Variants in PLCH2 observed in about 807,000 individuals in gnomAD.
PLCH2 encodes the protein phospholipase C eta 2.
In PLCH2, 98 loss-of-function variants were observed where a neutral mutation model predicts 134.7. The ratio of observed to expected loss-of-function variants is 0.73; its 90% CI spans 0.62 to 0.86. PLCH2 has a LOEUF of 0.86. Among genes scored for constraint, PLCH2 ranks in the 40% least tolerant of loss-of-function variants. The pLI is 0.00. For missense variants in PLCH2, 1,994 were observed against 1,986.6 expected (o/e 1.00, Z -0.07); for synonymous variants, 974 against 827.5 (o/e 1.18, Z -3.04).
chr1:2,455,642 C>T (rs913066051), intron 2 of PLCH2, among the ~76,000 whole-genome samples: 1 of 152,178 alleles, frequency 6.6e-6, no homozygotes, highest in South Asian at 2.1e-4. Context: ...TCCTGGGGGT[C>T]AGGCGGGGGC....
chr1:2,479,532 G>A, intron 2 of PLCH2: 1 of 563,650 alleles, frequency 1.8e-6, no homozygotes, highest in Non-Finnish European at 3.2e-6. Flanking sequence ...AAGGGGGAGG[G>A]ACACGGGTCA....
chr1:2,453,060 C>T (rs942798079), intron 2 of PLCH2, among the ~76,000 whole-genome samples: 3 of 151,894 alleles, frequency 2.0e-5, no homozygotes, highest in East Asian at 1.9e-4. Flanking sequence ...CTGGTCGGGG[C>T]GCCCCCTCAG....
At chr1:2,418,277 G>A in the PLCH2 span, among the ~76,000 whole-genome samples, 3 of 152,370 alleles carry the variant, frequency 2.0e-5, no homozygotes, top group East Asian at 3.9e-4. Flanking sequence ...CAGTGACAGC[G>A]TCCAGCATTC....
At chr1:2,471,804 G>A (rs1298626497), upstream of PLCH2, among the ~76,000 whole-genome samples, 1 of 152,176 alleles carries the variant, frequency 6.6e-6, no homozygotes, top group Non-Finnish European at 1.5e-5. Flanking sequence ...GCCACCCAAG[G>A]GGGCAGAACA....
chr1:2,478,944 A>T, intron 2 of PLCH2: 1 of 344,186 alleles, frequency 2.9e-6, no homozygotes, highest in African/African-American at 2.0e-5. Context: ...CCCCATAAAC[A>T]GAAACGACCC....
intron 2 of PLCH2, among the ~76,000 whole-genome samples, chr1:2,445,782 G>A (rs938334711): frequency 2.0e-5 from 3 of 152,186 alleles, no homozygotes; most frequent in African/African-American, 4.8e-5. Flanking sequence ...CGGCACACAC[G>A]GATTGCCGTA....
upstream of PLCH2, among the ~76,000 whole-genome samples, chr1:2,425,815 G>A (rs754402525): frequency 4.6e-5 from 7 of 151,914 alleles, no homozygotes; most frequent in Non-Finnish European, 7.4e-5. Context: ...GAGGCACTGC[G>A]CTGGGCTCAT....
chr1:2,504,747 C>T lies in PLCH2; in HGVS notation c.3785C>T (p.Ala1262Val). 6.2e-7 allele frequency: 1 copy of T among 1,612,536 alleles called. No homozygotes were observed. Among genetic ancestry groups the T allele is most frequent in the Non-Finnish European group, 8.5e-7 (1 of 1,179,806 alleles). Residue 1262 changes from alanine (A) to valine (V), a missense_variant, in exon 22 of 22, where the codon GCT becomes GTT. Coordinates refer to ENST00000378486, the MANE Select transcript of PLCH2 (RefSeq NM_014638.4). ...TCCAAGAGCCTGGGCGACCTCACTG[C>T]TGATGACTTTGCCCCTAGCTTTGAG... ...AKSKSLGDLT[A>V]DDFAPSFEGG...
chr1:2,425,258 C>T (rs1638733758), upstream of PLCH2, among the ~76,000 whole-genome samples: 1 of 147,788 alleles, frequency 6.8e-6, no homozygotes, highest in Admixed American at 6.6e-5. Flanking sequence ...CACACACATA[C>T]ATACACACAT....
chr1:2,484,397 A>C, intron 4 of PLCH2, 51 bp from the exon 5 acceptor site: 2 of 1,591,734 alleles, frequency 1.3e-6, no homozygotes, highest in East Asian at 2.2e-5. Context: ...ACCCCTGTGC[A>C]TGCAGGCCCT....
chr1:2,504,954 G>A lies in PLCH2; in HGVS notation c.3992G>A (p.Gly1331Asp), dbSNP rs1557427357. 6.4e-7 allele frequency: 1 copy of A among 1,560,512 alleles called. No homozygotes were observed. The highest frequency in any genetic ancestry group is 8.7e-7 in the Non-Finnish European group (1 of 1,154,154). Residue 1331 changes from glycine (G) to aspartate (D), a missense_variant, in exon 22 of 22, where the codon GGC becomes GAC. This residue lies in a region of PLCH2 where 900 missense variants were observed against 752.3 expected (regional missense o/e 1.20). Coordinates refer to ENST00000378486, the MANE Select transcript of PLCH2 (RefSeq NM_014638.4). ...CCGGCTGGGGAGGGGGTGGCAGGGGGCCCTGGTTTTGTGCGGCGCTCCTCC... is the reference window on the plus strand; with the variant it reads ...CCGGCTGGGGAGGGGGTGGCAGGGGACCCTGGTTTTGTGCGGCGCTCCTCC... ...LGPAGEGVAG[G>D]PGFVRRSSSR...
In PLCH2 at chr1:2,505,373, G is replaced by A. The variant is rs1348591388; in HGVS notation, c.*160G>A. ...TCCCTCCTGCCCCTGCTCCCGGGGA[G>A]GAAAGGCTAAAGCTGCTGGCCCGGG... is the stretch of plus-strand genomic sequence containing the variant. On this transcript the variant is annotated 3_prime_UTR_variant, in exon 22 of 22. Coordinates refer to ENST00000378486, the MANE Select transcript of PLCH2 (RefSeq NM_014638.4). The A allele has an allele frequency of 1.3e-5, 8 of 615,120 alleles. No individual in the cohort carries two copies. Among genetic ancestry groups the A allele is most frequent in the Non-Finnish European group, 1.9e-5 (7 of 360,094 alleles). The allele number at this position is 615,120 out of a possible 1,614,324, so 38.1% of individuals were successfully genotyped here.
chr1:2,475,269 G>A (rs1459103468), upstream of PLCH2, among the ~76,000 whole-genome samples: 1 of 152,240 alleles, frequency 6.6e-6, no homozygotes. Context: ...TCCTCCCCTG[G>A]TATGGGGGGA....
Position 2,505,440 on chromosome 1 carries a change from T to G in PLCH2, c.*227T>G. On this transcript the variant is annotated 3_prime_UTR_variant, in exon 22 of 22. Transcript: ENST00000378486. ...TCGAGGCTGGCCCTGCCAGGCAGTT[T>G]TCCCGGCGTTTTAGGATCTGTACAT... 1.8e-6 allele frequency: 1 copy of G among 569,168 alleles called. No individual in the cohort carries two copies. Among genetic ancestry groups the G allele is most frequent in the Non-Finnish European group, 3.1e-6 (1 of 323,622 alleles). 35.3% of individuals were successfully genotyped at this position (569,168 alleles called of 1,614,324 possible). A position where few individuals can be genotyped will look rare whatever the true frequency, so the allele number is the denominator to read the frequency against.
At chr1:2,434,360 G>A (rs1639224277) in intron 2 of PLCH2, among the ~76,000 whole-genome samples, 1 of 152,210 alleles carries the variant, frequency 6.6e-6, no homozygotes, top group Non-Finnish European at 1.5e-5. Context: ...AGCTCCTTGT[G>A]CCGTGGGGCC....
intron 2 of PLCH2, among the ~76,000 whole-genome samples, chr1:2,443,489 G>T (rs1054984711): frequency 6.6e-6 from 1 of 152,100 alleles, no homozygotes; most frequent in Non-Finnish European, 1.5e-5. Flanking sequence ...CTGGGGCCAC[G>T]GGGAGCCGGA....
chr1:2,488,363 G>A (rs1642390136), intron 8 of PLCH2, among the ~76,000 whole-genome samples: 1 of 152,304 alleles, frequency 6.6e-6, no homozygotes, highest in East Asian at 1.9e-4. Flanking sequence ...GGAGGAGCCA[G>A]GGGCCTGCTG....
chr1:2,494,964 C>A lies in PLCH2; in HGVS notation c.1752+16C>A. The stretch of plus-strand genomic sequence containing the variant: ...CAGGCGCAAGGTCCGGCGCAGCTCC[C>A]AGGCCAGGGTCCCGGTCTGGGCCCA... On this transcript the variant is annotated intron_variant, in intron 12 of 21. Coordinates refer to ENST00000378486, the MANE Select transcript of PLCH2 (RefSeq NM_014638.4). 6.4e-7 allele frequency: 1 copy of A among 1,557,662 alleles called. No individual in the cohort carries two copies. The highest frequency in any genetic ancestry group is 8.7e-7 in the Non-Finnish European group (1 of 1,151,024).
chr1:2,485,345 C>A (rs1433317635), intron 5 of PLCH2, among the ~76,000 whole-genome samples: 3 of 152,238 alleles, frequency 2.0e-5, no homozygotes, highest in Admixed American at 2.0e-4. Context: ...TCCAGCCAGG[C>A]AGCGGAGGGG....
Sources: allele counts gnomAD v4.1 joint callset (sites outside exome capture counted in the v4.1 genomes callset), GRCh38; gene constraint gnomAD v4.1.1; regional missense constraint gnomAD v4.1.1; transcripts MANE v1.5; gene names NCBI Gene and HGNC (gene_info 2026-07-23, HGNC 2026-07-21).